CNTN6: variants seen among roughly 807,000 people sequenced by gnomAD.
CNTN6 encodes contactin-6.
CNTN6 carries 137 observed loss-of-function variants against 122.8 expected under a neutral mutation model. The observed-to-expected ratio is 1.12, with a 90% confidence interval of 0.97 to 1.29. The LOEUF is 1.29. CNTN6 is among the 50% of genes most tolerant of loss of function. The pLI is 0.00. For missense variants in CNTN6, 1,634 were observed against 1,223.4 expected (o/e 1.34, Z -5.01); for synonymous variants, 570 against 426.0 (o/e 1.34, Z -4.16).
intron 1 of CNTN6, among the ~76,000 whole-genome samples, chr3:1,114,405 T>C (rs986185561): frequency 6.6e-6 from 1 of 152,202 alleles, no homozygotes; most frequent in African/African-American, 2.4e-5. Flanking sequence ...AGTAAAGAGA[T>C]GAATAGAAGT....
At chr3:1,271,354 A>AG (rs2095023641) in intron 4 of CNTN6, among the ~76,000 whole-genome samples, 1 of 152,326 alleles carries the variant, frequency 6.6e-6, no homozygotes, top group African/African-American at 2.4e-5. Flanking sequence ...GTAGTAGGGA[A>AG]GTTATAGAAG....
chr3:1,174,851 G>GGAAATAATT (rs2093419627), intron 2 of CNTN6, among the ~76,000 whole-genome samples: 1 of 152,088 alleles, frequency 6.6e-6, no homozygotes, highest in South Asian at 2.1e-4. Flanking sequence ...TTTATAGTCC[G>GGAAATAATT]GAAATAATTG....
rs142480406 is a variant in CNTN6, at chr3:1,318,467, C to A, written c.762-3183C>A. Among the ~76,000 whole-genome samples, 252 of 151,862 alleles carry A rather than the reference C, an allele frequency of 1.7e-3. 1 individual carries two copies. The highest frequency in any genetic ancestry group is 5.7e-3 in the African/African-American group (237 of 41,466). ...TAACTAAAGTAGCACATGATTAGAG[C>A]CCGCTGGGAATTCTAATTAATTGAA... is the stretch of plus-strand genomic sequence containing the variant. On this transcript the variant is annotated intron_variant, in intron 7 of 22. Coordinates refer to ENST00000446702, the MANE Select transcript of CNTN6 (RefSeq NM_001289080.2).
intron 7 of CNTN6, among the ~76,000 whole-genome samples, chr3:1,315,289 A>G (rs1499113): frequency 0.074 from 11,328 of 152,090 alleles, 676 homozygotes; most frequent in African/African-American, 0.16. Flanking sequence ...TAGTATCAAC[A>G]TGGACAAACT....
At chr3:1,150,963 A>G (rs968030672) in intron 2 of CNTN6, among the ~76,000 whole-genome samples, 2 of 152,134 alleles carry the variant, frequency 1.3e-5, no homozygotes, top group Non-Finnish European at 2.9e-5. Context: ...ATCATGAGCC[A>G]TGGGGTGTGA....
chr3:1,156,952 G>A (rs1212906106), intron 2 of CNTN6, among the ~76,000 whole-genome samples: 3 of 151,514 alleles, frequency 2.0e-5, no homozygotes, highest in African/African-American at 7.3e-5. Context: ...CTTGGCCCAA[G>A]CAATCCTCCT....
chr3:1,246,125 G>T (rs1229021115), intron 4 of CNTN6, among the ~76,000 whole-genome samples: 8 of 152,054 alleles, frequency 5.3e-5, no homozygotes, highest in Non-Finnish European at 1.5e-5. Flanking sequence ...GATCAATGAA[G>T]TATTGTTAAG....
chr3:1,186,574 T>C (rs1201541517), intron 2 of CNTN6, among the ~76,000 whole-genome samples: 1 of 152,196 alleles, frequency 6.6e-6, no homozygotes, highest in East Asian at 1.9e-4. Context: ...AATTATTTCC[T>C]GGGAGTTAGG....
chr3:1,219,019 G>A (rs1004752809), intron 2 of CNTN6, among the ~76,000 whole-genome samples: 2 of 152,138 alleles, frequency 1.3e-5, no homozygotes, highest in Non-Finnish European at 2.9e-5. Context: ...TGAAAGCATC[G>A]AATAAATAGC....
intron 2 of CNTN6, among the ~76,000 whole-genome samples, chr3:1,208,156 T>C (rs2093983438): frequency 6.6e-6 from 1 of 152,160 alleles, no homozygotes; most frequent in African/African-American, 2.4e-5. Context: ...CCGTGAGTCA[T>C]GGATCTAAAC....
intron 1 of CNTN6, among the ~76,000 whole-genome samples, chr3:1,132,418 A>T (rs990035575): frequency 6.6e-6 from 1 of 152,068 alleles, no homozygotes; most frequent in Non-Finnish European, 1.5e-5. Context: ...ATGACACACC[A>T]GAGATATATG....
At chr3:1,123,667 A>G (rs2092047802) in intron 1 of CNTN6, among the ~76,000 whole-genome samples, 1 of 151,870 alleles carries the variant, frequency 6.6e-6, no homozygotes, top group Admixed American at 6.6e-5. Context: ...CAATTTAGAT[A>G]CCTTTTATTC....
chr3:1,314,233 AAATT>A (rs2125936723), intron 7 of CNTN6, among the ~76,000 whole-genome samples: 1 of 152,240 alleles, frequency 6.6e-6, no homozygotes, highest in South Asian at 2.1e-4. Flanking sequence ...TGAATATTTC[AAATT>A]GGGGAAATGA....
intron 12 of CNTN6, among the ~76,000 whole-genome samples, chr3:1,366,595 T>C (rs1342908407): frequency 6.6e-6 from 1 of 152,144 alleles, no homozygotes; most frequent in Non-Finnish European, 1.5e-5. Context: ...GTTTTGCATA[T>C]TTCAACTGTG....
intron 4 of CNTN6, among the ~76,000 whole-genome samples, chr3:1,238,950 C>T (rs947895383): frequency 3.3e-5 from 5 of 151,974 alleles, no homozygotes; most frequent in South Asian, 2.1e-4. Flanking sequence ...AGAAATGAAG[C>T]GGGAGATATT....
intron 11 of CNTN6, among the ~76,000 whole-genome samples, chr3:1,349,695 G>A (rs185238532): frequency 6.4e-4 from 97 of 151,718 alleles, no homozygotes; most frequent in African/African-American, 2.3e-3. Context: ...CTGCTAAGAC[G>A]TGTTTAGATA....
intron 5 of CNTN6, among the ~76,000 whole-genome samples, chr3:1,282,601 A>G (rs1693658200): frequency 6.6e-6 from 1 of 152,214 alleles, no homozygotes; most frequent in Admixed American, 6.5e-5. Context: ...TATCTGTAAA[A>G]TATTTCCGAG....
chr3:1,203,013 C>T (rs779176991), intron 2 of CNTN6, among the ~76,000 whole-genome samples: 1 of 152,114 alleles, frequency 6.6e-6, no homozygotes, highest in Admixed American at 6.5e-5. Flanking sequence ...AGTGATCATC[C>T]ACTCTCAACA....
At chr3:1,105,381 C>T (rs2091169777) in intron 1 of CNTN6, among the ~76,000 whole-genome samples, 1 of 151,982 alleles carries the variant, frequency 6.6e-6, no homozygotes, top group Non-Finnish European at 1.5e-5. Context: ...TACATTTTTT[C>T]TTATGCTCAG....
Sources: allele counts gnomAD v4.1 joint callset (sites outside exome capture counted in the v4.1 genomes callset), GRCh38; gene constraint gnomAD v4.1.1; transcripts MANE v1.5; gene names NCBI Gene and HGNC (gene_info 2026-07-23, HGNC 2026-07-21).